Variants in RBFOX1 observed in about 807,000 individuals in gnomAD.
The protein encoded by RBFOX1 is RNA binding protein fox-1 homolog 1.
In RBFOX1, 8 loss-of-function variants were observed where a neutral mutation model predicts 57.7. The observed-to-expected ratio is 0.14, with a 90% CI of 0.08 to 0.25. The LOEUF (loss-of-function observed/expected upper bound fraction) is 0.25, where lower values mean the gene tolerates loss of function less well. Ranked by LOEUF, RBFOX1 falls within the 10% of genes least tolerant of loss-of-function variation. The pLI, the probability that RBFOX1 is intolerant of heterozygous loss-of-function variation, is 1.00. For synonymous variants in RBFOX1, 326 were observed against 222.4 expected (o/e 1.47, Z -4.15); for missense variants, 611 against 548.5 (o/e 1.11, Z -1.14).
chr16:7,623,649 G>A (rs1330305550), intron 10 of RBFOX1, among the ~76,000 whole-genome samples: 2 of 152,224 alleles, frequency 1.3e-5, no homozygotes, highest in Non-Finnish European at 2.9e-5. Flanking sequence ...ACCTCCTGCT[G>A]TGTGGCCCAG....
chr16:7,577,405 A>G (rs1466918017), intron 5 of RBFOX1, among the ~76,000 whole-genome samples: 3 of 152,192 alleles, frequency 2.0e-5, no homozygotes, highest in Non-Finnish European at 4.4e-5. Flanking sequence ...CCTGAATCCA[A>G]GACATCATTT....
chr16:5,398,601 A>G (rs530688091), intron 1 of RBFOX1, among the ~76,000 whole-genome samples: 6 of 151,868 alleles, frequency 4.0e-5, no homozygotes, highest in African/African-American at 9.7e-5. Flanking sequence ...GGGAAGGGCA[A>G]GGAAATAGAA....
chr16:7,587,392 C>G lies in RBFOX1; in HGVS notation c.468+92C>G, dbSNP rs1339995770. Reference sequence around the variant, plus strand: ...AACAACTGCACTGTCTTAATCAGCTCATTGTGAAAATACACTTCAGTGGGA... The same window carrying G: ...AACAACTGCACTGTCTTAATCAGCTGATTGTGAAAATACACTTCAGTGGGA... On this transcript the variant is annotated intron_variant, in intron 7 of 15. Transcript: ENST00000550418. The G allele has an allele frequency of 7.9e-6, 10 of 1,262,836 alleles. No individual in the cohort carries two copies. In the Middle Eastern group the frequency reaches 6.2e-4, roughly 79 times the overall value. The allele number at this position is 1,262,836 out of a possible 1,614,324, so 78.2% of individuals were successfully genotyped here. A position where few individuals can be genotyped will look rare whatever the true frequency, so the allele number is the denominator to read the frequency against.
rs189945050 is a variant in RBFOX1, at chr16:6,526,675, A to G, written c.-63-127928A>G. 3.9e-3 allele frequency among the ~76,000 whole-genome samples: 586 copies of G among 151,704 alleles called. 5 individuals carry two copies. The highest frequency in any genetic ancestry group is 6.6e-3 in the Non-Finnish European group (445 of 67,878). ...GAAACCCCGTGTCTACTAAAAATAC[A>G]AAAAATTAGCCGGGCGTGGTGGTGG... is the stretch of plus-strand genomic sequence containing the variant. On this transcript the variant is annotated intron_variant, in intron 2 of 15. Transcript: ENST00000550418.
At chr16:5,736,574 A>C (rs11863993) in intron 3 of RBFOX1, among the ~76,000 whole-genome samples, 33,275 of 151,972 alleles carry the variant, frequency 0.22, 3,969 homozygotes, top group East Asian at 0.42. Context: ...GTCATTTGAA[A>C]GCCCTGTGAA....
At chr16:7,083,306 T>C (rs1259843845) in intron 4 of RBFOX1, among the ~76,000 whole-genome samples, 1 of 151,912 alleles carries the variant, frequency 6.6e-6, no homozygotes, top group Non-Finnish European at 1.5e-5. Context: ...GTCACAGTGA[T>C]AAAATGTTTC....
At chr16:6,119,045 G>A (rs1460963235) in intron 1 of RBFOX1, among the ~76,000 whole-genome samples, 1 of 137,018 alleles carries the variant, frequency 7.3e-6, no homozygotes, top group Non-Finnish European at 1.6e-5. Flanking sequence ...TCATGACTTT[G>A]ATACGTTTGA....
intron 1 of RBFOX1, among the ~76,000 whole-genome samples, chr16:6,108,558 C>T (rs1197157319): frequency 6.6e-6 from 1 of 152,136 alleles, no homozygotes; most frequent in East Asian, 1.9e-4. Context: ...AGCAGACACT[C>T]AGAAAATATG....
intron 1 of RBFOX1, chr16:6,038,817 C>T (rs1248427503): frequency 6.8e-6 from 1 of 147,304 alleles, no homozygotes; most frequent in South Asian, 2.1e-4. Context: ...TTTGGTTATC[C>T]TTCCTATTTA....
In RBFOX1 at chr16:6,707,484, T is replaced by G. The variant is rs931431450; in HGVS notation, c.-16+52834T>G. Among the ~76,000 whole-genome samples the G allele has an allele frequency of 6.6e-5, 10 of 151,454 alleles. No homozygotes were observed. The East Asian group carries it at 7.8e-4, about 12-fold the overall frequency. On this transcript the variant is annotated intron_variant, in intron 3 of 15. Coordinates refer to ENST00000550418, the MANE Select transcript of RBFOX1 (RefSeq NM_018723.4). The stretch of plus-strand genomic sequence containing the variant: ...TAGATGGCTTCCCATTTTTGTTTTT[T>G]TTTTTTTTTTGCTGTTGTAAACATC...
At chr16:6,687,652 G>A (rs758010089) in intron 3 of RBFOX1, among the ~76,000 whole-genome samples, 2 of 152,136 alleles carry the variant, frequency 1.3e-5, no homozygotes, top group Non-Finnish European at 2.9e-5. Context: ...CCAGGATTCA[G>A]GCTGCTCCTG....
At chr16:7,614,768 C>T (rs1051939276) in intron 10 of RBFOX1, 1 of 152,196 alleles carries the variant, frequency 6.6e-6, no homozygotes, top group Non-Finnish European at 1.5e-5. Context: ...GGTACTTGCT[C>T]TGTGCTGAAC....
chr16:5,590,288 T>C (rs1312690546), intron 2 of RBFOX1, among the ~76,000 whole-genome samples: 1 of 152,234 alleles, frequency 6.6e-6, no homozygotes, highest in African/African-American at 2.4e-5. Flanking sequence ...TTGATTTCTT[T>C]GCCCTGGGGA....
chr16:7,141,993 TTCTTCTTCCTCC>T (rs2073909213), intron 4 of RBFOX1, among the ~76,000 whole-genome samples: 2 of 72,000 alleles, frequency 2.8e-5, no homozygotes, highest in Admixed American at 2.2e-4. Flanking sequence ...CATCTTCTCC[TTCTTCTTCCTCC>T]TTCTTCTTCC....
intron 1 of RBFOX1, among the ~76,000 whole-genome samples, chr16:6,051,150 T>C (rs376411791): frequency 1.4e-4 from 21 of 151,600 alleles, no homozygotes; most frequent in African/African-American, 4.9e-4. Context: ...ACTTTTGCAG[T>C]AATCTAATAG....
chr16:5,593,551 C>G (rs745826065), intron 2 of RBFOX1, among the ~76,000 whole-genome samples: 9 of 152,142 alleles, frequency 5.9e-5, no homozygotes. Context: ...CCAAAACCCA[C>G]CAAAACCAAG....
intron 3 of RBFOX1, among the ~76,000 whole-genome samples, chr16:7,044,145 A>C (rs2047106257): frequency 1.3e-5 from 2 of 152,054 alleles, no homozygotes; most frequent in Non-Finnish European, 2.9e-5. Context: ...TGACATCCAG[A>C]AGGTGCTTGA....
At chr16:5,319,050 C>G (rs950690919) in intron 1 of RBFOX1, among the ~76,000 whole-genome samples, 2 of 152,190 alleles carry the variant, frequency 1.3e-5, no homozygotes, top group East Asian at 3.9e-4. Flanking sequence ...TTGCTTGAAC[C>G]TGGCAGGTGG....
Position 5,984,946 on chromosome 16 carries a change from TTATATA to T in RBFOX1, c.351+117637_351+117642del, listed in dbSNP as rs61004841. Reference sequence around the variant, plus strand: ...GGTACACCTGTATAGGGCAACTCCATTATATATATATATATATATATATATATATAT... The same window carrying T: ...GGTACACCTGTATAGGGCAACTCCATTATATATATATATATATATATATAT... On this transcript the variant is annotated intron_variant, in intron 4 of 19. Transcript: ENST00000641259. 2.8e-3 allele frequency among the ~76,000 whole-genome samples: 194 copies of T among 69,648 alleles called. 4 individuals carry two copies. Among genetic ancestry groups the T allele is most frequent in the African/African-American group, 9.5e-3 (132 of 13,928 alleles). The allele number at this position is 69,648 out of a possible 152,430, so 45.7% of individuals were successfully genotyped here. A position where few individuals can be genotyped will look rare whatever the true frequency, so the allele number is the denominator to read the frequency against.
Sources: gnomAD v4.1 joint callset for allele counts (sites outside exome capture counted in the v4.1 genomes callset) on GRCh38, gnomAD v4.1.1 for gene constraint, MANE v1.5 for transcripts, NCBI Gene and HGNC (gene_info 2026-07-23, HGNC 2026-07-21) for gene names.